The following MAP4K1 variants were observed in gnomAD, a reference collection of about 807,000 sequenced individuals.
The protein encoded by MAP4K1 is MAPK/ERK kinase kinase kinase 1.
In MAP4K1, 35 loss-of-function variants were observed where a neutral mutation model predicts 122.8. The ratio of observed to expected loss-of-function variants is 0.29; its 90% CI spans 0.22 to 0.38. The LOEUF (loss-of-function observed/expected upper bound fraction) is 0.38, where lower values mean the gene tolerates loss of function less well. MAP4K1 is among the 10% of genes least tolerant of loss of function. MAP4K1 has a pLI of 1.00. For missense variants in MAP4K1, 791 were observed against 1,072.6 expected (o/e 0.74, Z 3.67); for synonymous variants, 412 against 421.3 (o/e 0.98, Z 0.27).
At chr19:38,612,007 A>G (rs964625712) in intron 9 of MAP4K1, among the ~76,000 whole-genome samples, 1 of 152,080 alleles carries the variant, frequency 6.6e-6, no homozygotes, top group Non-Finnish European at 1.5e-5. Context: ...TTGAGGTGGT[A>G]GAATCACTTG....
intron 4 of MAP4K1, 130 bp downstream of exon 4, chr19:38,616,065 A>T: frequency 1.7e-6 from 1 of 603,832 alleles, no homozygotes; most frequent in Non-Finnish European, 2.8e-6. Context: ...TCAGCCCAGG[A>T]GTTTGAAATA....
At chr19:38,594,078 A>G (rs979642359) in intron 29 of MAP4K1, among the ~76,000 whole-genome samples, 2 of 152,138 alleles carry the variant, frequency 1.3e-5, no homozygotes, top group African/African-American at 2.4e-5. Flanking sequence ...AACTATCCAT[A>G]TATCTCTATA....
intron 25 of MAP4K1, 88 bp downstream of exon 25, chr19:38,596,946 T>A: frequency 7.8e-7 from 1 of 1,275,620 alleles, no homozygotes; most frequent in Non-Finnish European, 1.1e-6. Flanking sequence ...GAGGTGGGGC[T>A]TCATGGAGCT....
In MAP4K1 at chr19:38,595,406, G is replaced by A. The variant is rs2145935480; in HGVS notation, c.2340+79C>T. On this transcript the variant is annotated intron_variant, in intron 29 of 30. Coordinates refer to ENST00000396857, the MANE Select transcript of MAP4K1 (RefSeq NM_001042600.3). Reference sequence around the variant, plus strand: ...TCCAGGACTTCACACTCTGACTCAGGAGTTCTCGGAGCCCATCTGATGAAT... The same window carrying A: ...TCCAGGACTTCACACTCTGACTCAGAAGTTCTCGGAGCCCATCTGATGAAT... 3.5e-6 allele frequency: 5 copies of A among 1,436,166 alleles called. No homozygotes were observed. In the East Asian group the frequency reaches 1.1e-4, roughly 33 times the overall value. 89.0% of individuals were successfully genotyped at this position (1,436,166 alleles called of 1,614,324 possible).
At chr19:38,606,249 G>T in intron 16 of MAP4K1, 34 bp from the exon 17 acceptor site, 2 of 1,210,578 alleles carry the variant, frequency 1.7e-6, no homozygotes, top group East Asian at 2.4e-5. Context: ...TAGCTGGGGG[G>T]CTGGGGAACA....
intron 30 of MAP4K1, among the ~76,000 whole-genome samples, chr19:38,588,102 G>C (rs1018006066): frequency 1.3e-5 from 2 of 152,162 alleles, no homozygotes; most frequent in African/African-American, 4.8e-5. Context: ...CCTGAAGGGG[G>C]GTTAGGAGGG....
chr19:38,595,977 G>T lies in MAP4K1; in HGVS notation c.2141C>A (p.Thr714Asn). 1 of 1,613,954 alleles carries T rather than the reference G, an allele frequency of 6.2e-7. No homozygotes were observed. Among genetic ancestry groups the T allele is most frequent in the Non-Finnish European group, 8.5e-7 (1 of 1,179,954 alleles). The change falls in exon 27 of 31, where the codon ACC becomes AAC. Residue 714 changes from threonine to asparagine, a missense_variant. Coordinates refer to ENST00000396857, the MANE Select transcript of MAP4K1 (RefSeq NM_001042600.3). ...STEHRGPVQV[T>N]QVEEDMVMVL... ...CATCACCATATCTTCCTCTACCTGG[G>T]TCACCTGCACGGGTCCCCTGTGCTC...
Position 38,614,097 on chromosome 19 carries a change from A to G in MAP4K1, c.418-12T>C. On this transcript the variant is annotated splice_polypyrimidine_tract_variant and intron_variant, in intron 6 of 30. Coordinates refer to ENST00000396857, the MANE Select transcript of MAP4K1 (RefSeq NM_001042600.3). ...AGGATGTTAGCTCCCTGGGAATGAGAGGGGATATGGGAGGCTGCAGAGACT... is the reference window on the plus strand; with the variant it reads ...AGGATGTTAGCTCCCTGGGAATGAGGGGGGATATGGGAGGCTGCAGAGACT... The G allele has an allele frequency of 1.9e-6, 3 of 1,612,400 alleles. No individual in the cohort carries two copies. The African/African-American group carries it at 4.0e-5, about 22-fold the overall frequency.
intron 30 of MAP4K1, among the ~76,000 whole-genome samples, chr19:38,590,956 A>G (rs1974708411): frequency 6.7e-6 from 1 of 148,982 alleles, no homozygotes; most frequent in African/African-American, 2.5e-5. Flanking sequence ...CCAAATATTC[A>G]TTAAAAAATC....
rs776905686 is a variant in MAP4K1 at position 38,608,015 on chromosome 19, G to A, written c.1084C>T (p.Arg362Ter). ...CTGGGGCTGCTGCTCCTGAGGTCTC[G>A]AGGAGGCTGTAGGCGAGCCTGTGGG... ...PANTARLQPP[R>*]DLRSSSPRKQ... is the part of the protein sequence containing the mutation. Residue 362 changes from arginine (R) to a stop codon, truncating the protein, a stop_gained, in exon 15 of 31, where the codon CGA (arginine) becomes TGA (stop). Coordinates refer to ENST00000396857, the MANE Select transcript of MAP4K1 (RefSeq NM_001042600.3). LOFTEE classifies it high-confidence loss of function. The A allele has an allele frequency of 1.2e-6, 2 of 1,609,362 alleles. No individual in the cohort carries two copies. Among genetic ancestry groups the A allele is most frequent in the Admixed American group, 1.7e-5 (1 of 59,532 alleles).
chr19:38,600,590 CTT>C (rs929160932), intron 20 of MAP4K1, among the ~76,000 whole-genome samples: 2 of 152,080 alleles, frequency 1.3e-5, no homozygotes, highest in Admixed American at 6.6e-5. Flanking sequence ...GTCTTCATCT[CTT>C]TGATCTCTAG....
At chr19:38,616,113 G>C (rs1975641334) in intron 4 of MAP4K1, 82 bp downstream of exon 4, 7 of 1,003,458 alleles carry the variant, frequency 7.0e-6, no homozygotes, top group South Asian at 3.0e-5. Flanking sequence ...TACACACACA[G>C]AGACGGAAGA....
In MAP4K1 at chr19:38,616,268, G is replaced by A. The variant is rs778730600; in HGVS notation, c.249-9C>T. The A allele has an allele frequency of 5.5e-5, 88 of 1,608,042 alleles. No homozygotes were observed. Among genetic ancestry groups the A allele is most frequent in the East Asian group, 2.2e-5 (1 of 44,786 alleles). ...TCCAGAGTTTCTGCAACCTGCAGTG[G>A]TTCAAGAGTAAGAATAATAATAGCA... On this transcript the variant is annotated splice_polypyrimidine_tract_variant and intron_variant, in intron 3 of 30. Coordinates refer to ENST00000396857, the MANE Select transcript of MAP4K1 (RefSeq NM_001042600.3).
intron 15 of MAP4K1, 29 bp downstream of exon 15, chr19:38,607,961 C>T: frequency 1.9e-6 from 3 of 1,611,646 alleles, no homozygotes; most frequent in Non-Finnish European, 1.7e-6. Context: ...CATTCCAGCC[C>T]CCTCCCCATC....
At chr19:38,595,778 TTAC>T in intron 27 of MAP4K1, 49 bp from the exon 28 acceptor site, 1 of 1,521,964 alleles carries the variant, frequency 6.6e-7, no homozygotes, top group Non-Finnish European at 9.0e-7. Flanking sequence ...GCTTAGAGGG[TTAC>T]TAAGGGACCA....
rs1198838910 is a variant in MAP4K1, at chr19:38,599,838, T to C, written c.1669+87A>G. The C allele has an allele frequency of 5.4e-6, 7 of 1,304,700 alleles. No homozygotes were observed. The East Asian group carries it at 1.6e-4, about 30-fold the overall frequency. 80.8% of individuals were successfully genotyped at this position (1,304,700 alleles called of 1,614,324 possible). ...TGTGACCAAGCAGTCTAAGTTTTTTTTCAGCTGTGCCCGTCTACTTCCCAG... is the reference window on the plus strand; with the variant it reads ...TGTGACCAAGCAGTCTAAGTTTTTTCTCAGCTGTGCCCGTCTACTTCCCAG... On this transcript the variant is annotated intron_variant, in intron 22 of 30. Transcript: ENST00000396857.
chr19:38,612,501 G>T (rs1975527245), intron 9 of MAP4K1, 110 bp downstream of exon 9: 2 of 963,568 alleles, frequency 2.1e-6, no homozygotes, highest in South Asian at 2.4e-5. Flanking sequence ...GTAGGCTCAA[G>T]TGGTGATCCC....
rs565677105 is a variant in MAP4K1, at chr19:38,595,786, G to A, written c.2180-57C>T. ...GAGCAAGGCTTAGAGGGTTACTAAGGGACCAATCCATAAATTCAGTGTGAA... is the reference window on the plus strand; with the variant it reads ...GAGCAAGGCTTAGAGGGTTACTAAGAGACCAATCCATAAATTCAGTGTGAA... On this transcript the variant is annotated intron_variant, in intron 27 of 30. Coordinates refer to ENST00000396857, the MANE Select transcript of MAP4K1 (RefSeq NM_001042600.3). 8.0e-6 allele frequency: 12 copies of A among 1,502,620 alleles called. No homozygotes were observed. In the South Asian group the frequency reaches 1.4e-4, roughly 18 times the overall value. 93.1% of individuals were successfully genotyped at this position (1,502,620 alleles called of 1,614,324 possible). A position where few individuals can be genotyped will look rare whatever the true frequency, so the allele number is the denominator to read the frequency against.
intron 11 of MAP4K1, among the ~76,000 whole-genome samples, chr19:38,610,781 G>C (rs1975473477): frequency 6.6e-6 from 1 of 152,146 alleles, no homozygotes; most frequent in South Asian, 2.1e-4. Flanking sequence ...GGAAGAGACT[G>C]TGGTTCCCTG....
Sources: allele counts gnomAD v4.1 joint callset (sites outside exome capture counted in the v4.1 genomes callset), GRCh38; gene constraint gnomAD v4.1.1; transcripts MANE v1.5; gene names NCBI Gene and HGNC (gene_info 2026-07-23, HGNC 2026-07-21).